TLL1: variants seen among roughly 807,000 people sequenced by gnomAD.
TLL1 encodes tolloid-like protein 1.
TLL1 carries 49 observed loss-of-function variants against 128.2 expected under a neutral mutation model. That is an observed-to-expected ratio of 0.38 (90% confidence interval 0.30 to 0.48). The LOEUF (loss-of-function observed/expected upper bound fraction) is 0.48, where lower values mean the gene tolerates loss of function less well. TLL1 is among the 20% of genes least tolerant of loss of function. The probability of loss-of-function intolerance (pLI) is 0.96; values close to 1 mark genes in which losing one functional copy is unlikely to be tolerated. For missense variants in TLL1, 1,123 were observed against 1,242.0 expected (o/e 0.90, Z 1.44); for synonymous variants, 454 against 418.8 (o/e 1.08, Z -1.03).
intron 12 of TLL1, among the ~76,000 whole-genome samples, chr4:166,052,793 A>G (rs1739806085): frequency 3.3e-5 from 5 of 151,596 alleles, no homozygotes; most frequent in Non-Finnish European, 1.5e-5. Flanking sequence ...TTTTGTCTAC[A>G]GTTTTGTCAT....
At position 165,992,808 on chromosome 4, in the gene TLL1, A is replaced by G. The variant is rs748168573; in HGVS notation, c.285A>G (p.Gly95=). Residue 95 remains glycine, a synonymous_variant, in exon 3 of 21, where the codon GGA becomes GGG. Transcript: ENST00000061240. ...TGTTTCCTTTTATTCTTTAAGGTGG[A>G]CTTGGAGACCATGCTATGTCAAAGA... The part of the protein sequence containing the change: ...PFGNLGHTTG[G]LGDHAMSKKR... The G allele has an allele frequency of 1.2e-6, 2 of 1,613,142 alleles. No individual in the cohort carries two copies. Among genetic ancestry groups the G allele is most frequent in the South Asian group, 2.2e-5 (2 of 91,068 alleles).
At chr4:166,018,952 G>A (rs1004515920) in intron 8 of TLL1, among the ~76,000 whole-genome samples, 3 of 152,164 alleles carry the variant, frequency 2.0e-5, no homozygotes, top group Non-Finnish European at 4.4e-5. Flanking sequence ...TCCCATTACT[G>A]TGTATATATC....
At chr4:166,085,147 G>A (rs1402550877) in intron 18 of TLL1, among the ~76,000 whole-genome samples, 1 of 151,648 alleles carries the variant, frequency 6.6e-6, no homozygotes, top group African/African-American at 2.4e-5. Context: ...CAACTTTACT[G>A]AATTTATTTA....
At chr4:166,052,281 G>A (rs746964620) in intron 12 of TLL1, among the ~76,000 whole-genome samples, 10 of 152,006 alleles carry the variant, frequency 6.6e-5, no homozygotes, top group Non-Finnish European at 1.2e-4. Context: ...ATGAAGCAAT[G>A]TAATATTATC....
chr4:165,975,318 AC>A (rs1006016511), intron 1 of TLL1, among the ~76,000 whole-genome samples: 13 of 151,914 alleles, frequency 8.6e-5, no homozygotes, highest in African/African-American at 2.9e-4. Context: ...TAGTAGTAGT[AC>A]CCCTTCCCCC....
chr4:166,088,601 C>T (rs978021154), intron 18 of TLL1, among the ~76,000 whole-genome samples: 2 of 152,078 alleles, frequency 1.3e-5, no homozygotes, highest in African/African-American at 4.8e-5. Context: ...TTTGACCTAA[C>T]AAGTTGCTAC....
intron 19 of TLL1, among the ~76,000 whole-genome samples, chr4:166,096,888 A>G (rs529462874): frequency 6.6e-6 from 1 of 152,162 alleles, no homozygotes; most frequent in Non-Finnish European, 1.5e-5. Context: ...GAAGATTAAT[A>G]GTGCTTTAAA....
intron 18 of TLL1, among the ~76,000 whole-genome samples, chr4:166,082,668 T>C (rs1741337919): frequency 6.6e-6 from 1 of 151,984 alleles, no homozygotes; most frequent in African/African-American, 2.4e-5. Context: ...AACTTTTTTG[T>C]TTTTGTTTTG....
intron 1 of TLL1, 39 bp downstream of exon 1, chr4:165,874,112 G>GGCC (rs1267939302): frequency 2.5e-6 from 4 of 1,612,976 alleles, no homozygotes; most frequent in African/African-American, 1.3e-5. Flanking sequence ...GCGCGCCGGG[G>GGCC]GCCGCTGCGC....
intron 2 of TLL1, 94 bp downstream of exon 2, chr4:165,989,585 G>A (rs999633638): frequency 2.3e-6 from 2 of 879,042 alleles, no homozygotes; most frequent in Non-Finnish European, 3.8e-6. Flanking sequence ...TTCATCTCCT[G>A]TTGATCAACT....
chr4:165,993,012 CTT>C (rs1034304725), intron 3 of TLL1, 128 bp downstream of exon 3: 56 of 812,700 alleles, frequency 6.9e-5, no homozygotes, highest in South Asian at 4.9e-4. Context: ...TATTCTAAAA[CTT>C]TTTATTTTGC....
In TLL1 at chr4:165,873,643, G is replaced by A. The variant is rs550583093; in HGVS notation, c.-262G>A. The A allele has an allele frequency of 6.4e-4, 227 of 352,184 alleles. 1 individual carries two copies. The highest frequency in any genetic ancestry group is 6.4e-4 in the Non-Finnish European group (124 of 193,996). The allele number at this position is 352,184 out of a possible 1,614,324, so 21.8% of individuals were successfully genotyped here. A position where few individuals can be genotyped will look rare whatever the true frequency, so the allele number is the denominator to read the frequency against. On this transcript the variant is annotated 5_prime_UTR_variant, in exon 1 of 21. In the 5' UTR this introduces an upstream ATG that the reference lacks. Transcript: ENST00000061240. ...TTGCCTGCGCCCTCCCCGCCTCCGA[G>A]TGCAGAGTTCCTTACCTGCCCTCCG...
At chr4:165,963,228 G>A (rs890862052) in intron 1 of TLL1, among the ~76,000 whole-genome samples, 1 of 151,940 alleles carries the variant, frequency 6.6e-6, no homozygotes, top group Non-Finnish European at 1.5e-5. Context: ...TATGCCAAAT[G>A]CCCGGGAGTT....
At chr4:166,070,208 A>G (rs1323799131) in intron 16 of TLL1, among the ~76,000 whole-genome samples, 2 of 151,886 alleles carry the variant, frequency 1.3e-5, no homozygotes, top group African/African-American at 2.4e-5. Flanking sequence ...GCAAGTCTGC[A>G]TAGGTATACA....
intron 19 of TLL1, 70 bp downstream of exon 19, chr4:166,091,411 C>G (rs1579732090): frequency 7.5e-7 from 1 of 1,331,388 alleles, no homozygotes; most frequent in Non-Finnish European, 1.1e-6. Context: ...GAATTTGGTT[C>G]AATAATAGGA....
chr4:165,975,426 G>A (rs1336033654), intron 1 of TLL1, among the ~76,000 whole-genome samples: 2 of 150,914 alleles, frequency 1.3e-5, no homozygotes, highest in African/African-American at 2.4e-5. Flanking sequence ...GCCCTTAAAT[G>A]TAATGCTATG....
At chr4:166,005,421 T>C (rs17633333) in intron 6 of TLL1, among the ~76,000 whole-genome samples, 32,041 of 151,802 alleles carry the variant, frequency 0.21, 3,790 homozygotes, top group East Asian at 0.38. Context: ...TAAGCAATAC[T>C]TGGTAGAGTA....
At chr4:165,970,841 A>G (rs1208210777) in intron 1 of TLL1, among the ~76,000 whole-genome samples, 3 of 152,208 alleles carry the variant, frequency 2.0e-5, no homozygotes, top group Admixed American at 1.3e-4. Context: ...CTTTTCTGCA[A>G]CTAATAAATT....
intron 7 of TLL1, among the ~76,000 whole-genome samples, chr4:166,010,552 A>C (rs967183420): frequency 6.6e-6 from 1 of 150,496 alleles, no homozygotes; most frequent in Non-Finnish European, 1.5e-5. Flanking sequence ...ATATATGTAT[A>C]TATATAAATA....
Sources: gnomAD v4.1 joint callset for allele counts (sites outside exome capture counted in the v4.1 genomes callset) on GRCh38, gnomAD v4.1.1 for gene constraint, MANE v1.5 for transcripts, NCBI Gene and HGNC (gene_info 2026-07-23, HGNC 2026-07-21) for gene names.